The following TMEM260 variants were observed in gnomAD, a reference collection of about 807,000 sequenced individuals.
TMEM260 encodes protein O-mannosyl-transferase TMEM260.
Under a neutral mutation model 88.9 loss-of-function variants are expected in TMEM260, and 82 were observed. The ratio of observed to expected loss-of-function variants is 0.92; its 90% confidence interval spans 0.77 to 1.11. The LOEUF (loss-of-function observed/expected upper bound fraction) is 1.11. Ranked by LOEUF, TMEM260 falls within the 50% of genes least tolerant of loss-of-function variation. The pLI is 0.00. For missense variants in TMEM260, 902 were observed against 853.4 expected, an observed-to-expected ratio of 1.06 and a Z score of -0.71; for synonymous variants, 314 against 309.3, an observed-to-expected ratio of 1.02 and a Z score of -0.16.
chr14:56,627,170 GT>G (rs1888293156), intron 12 of TMEM260, among the ~76,000 whole-genome samples: 2 of 139,814 alleles, frequency 1.4e-5, no homozygotes, highest in Non-Finnish European at 2.9e-5. Context: ...TTTTGTTAAT[GT>G]TTTTGACTAA....
At chr14:56,593,290 G>A (rs1812107955) in intron 3 of TMEM260, 1 of 152,130 alleles carries the variant, frequency 6.6e-6, no homozygotes, top group African/African-American at 2.4e-5. Flanking sequence ...TACTCCAGTG[G>A]AGAATTTCTG....
intron 3 of TMEM260, among the ~76,000 whole-genome samples, chr14:56,592,139 G>C: frequency 6.6e-6 from 1 of 152,050 alleles, no homozygotes; most frequent in East Asian, 1.9e-4. Flanking sequence ...TTCTCCTTTT[G>C]ATCAAACCTC....
chr14:56,645,501 G>A lies in TMEM260; in HGVS notation c.1870-1742G>A, dbSNP rs577012439. On this transcript the variant is annotated intron_variant, in intron 15 of 15. Coordinates refer to ENST00000261556, the MANE Select transcript of TMEM260 (RefSeq NM_017799.4). ...CACTCGGGGGACTGTTGTGGGGTGGGGGTAGGGGGGAGGGATAGCATTAGG... is the reference window on the plus strand; with the variant it reads ...CACTCGGGGGACTGTTGTGGGGTGGAGGTAGGGGGGAGGGATAGCATTAGG... 1.2e-3 allele frequency among the ~76,000 whole-genome samples: 154 copies of A among 127,970 alleles called. 2 individuals carry two copies. The East Asian group carries it at 0.031, about 26-fold the overall frequency. The allele number at this position is 127,970 out of a possible 152,430, so 84.0% of individuals were successfully genotyped here. A position where few individuals can be genotyped will look rare whatever the true frequency, so the allele number is the denominator to read the frequency against.
At chr14:56,637,052 A>C (rs1889149650) in intron 15 of TMEM260, among the ~76,000 whole-genome samples, 1 of 152,212 alleles carries the variant, frequency 6.6e-6, no homozygotes, top group African/African-American at 2.4e-5. Context: ...TTGCAGATGG[A>C]GGAAGGAGCC....
chr14:56,632,774 A>ATATT (rs1888715105), intron 12 of TMEM260, among the ~76,000 whole-genome samples: 1 of 152,146 alleles, frequency 6.6e-6, no homozygotes, highest in Admixed American at 6.5e-5. Flanking sequence ...ACTGTTAATT[A>ATATT]TATTAGATAT....
Position 56,579,807 on chromosome 14 carries a change from GC to G in TMEM260, c.-106del. ...CAACCCGCGGAGGCTCGACCCGGAAGCCGCCGTGGCCGCCGCACAAGCTGCG... is the reference window on the plus strand; with the variant it reads ...CAACCCGCGGAGGCTCGACCCGGAAGCGCCGTGGCCGCCGCACAAGCTGCG... On this transcript the variant is annotated 5_prime_UTR_variant, in exon 1 of 16. Transcript: ENST00000261556. 1 of 1,112,760 alleles carries G rather than the reference GC, an allele frequency of 9.0e-7. No homozygotes were observed. The highest frequency in any genetic ancestry group is 1.1e-6 in the Non-Finnish European group (1 of 880,356). The allele number at this position is 1,112,760 out of a possible 1,614,324, so 68.9% of individuals were successfully genotyped here.
At chr14:56,586,618 T>C (rs1246468950) in intron 3 of TMEM260, among the ~76,000 whole-genome samples, 4 of 152,110 alleles carry the variant, frequency 2.6e-5, no homozygotes, top group Non-Finnish European at 5.9e-5. Context: ...AAAATACAAA[T>C]TACACTTTCT....
intron 7 of TMEM260, 178 bp downstream of exon 7, chr14:56,612,463 G>A: frequency 3.3e-6 from 2 of 607,708 alleles, no homozygotes; most frequent in Non-Finnish European, 5.8e-6. Context: ...ATGGGGTATT[G>A]GTTACAGGAA....
At chr14:56,635,074 A>G (rs754167489) in intron 14 of TMEM260, 122 bp downstream of exon 14, 2 of 850,774 alleles carry the variant, frequency 2.4e-6, no homozygotes. Flanking sequence ...TTTATGAGCA[A>G]TTATGTTTTT....
chr14:56,634,784 GT>G lies in TMEM260; in HGVS notation c.1725-114del. 8.1e-6 allele frequency: 7 copies of G among 864,178 alleles called. No individual in the cohort carries two copies. The South Asian group carries it at 1.1e-4, about 13-fold the overall frequency. 53.5% of individuals were successfully genotyped at this position (864,178 alleles called of 1,614,324 possible). A position where few individuals can be genotyped will look rare whatever the true frequency, so the allele number is the denominator to read the frequency against. ...TTGAACCCAGGAGGTGGAGGTTGCAGTGAGCCAAGATCGCACCATTGCATTC... is the reference window on the plus strand; with the variant it reads ...TTGAACCCAGGAGGTGGAGGTTGCAGGAGCCAAGATCGCACCATTGCATTC... On this transcript the variant is annotated intron_variant, in intron 13 of 15. Transcript: ENST00000261556.
intron 15 of TMEM260, among the ~76,000 whole-genome samples, chr14:56,640,975 A>C (rs146737680): frequency 0.022 from 3,323 of 152,166 alleles, 75 homozygotes; most frequent in East Asian, 0.082. Flanking sequence ...AAAGCCTCCA[A>C]GAAATATGGG....
chr14:56,590,115 AATTG>A (rs1885759951), intron 3 of TMEM260, among the ~76,000 whole-genome samples: 2 of 152,218 alleles, frequency 1.3e-5, no homozygotes, highest in African/African-American at 2.4e-5. Flanking sequence ...ATCCGTGGTT[AATTG>A]ATCATATATT....
intron 7 of TMEM260, 186 bp from the exon 8 acceptor site, chr14:56,615,758 G>A (rs1594851813): frequency 9.5e-6 from 5 of 527,186 alleles, no homozygotes; most frequent in South Asian, 3.0e-5. Context: ...ATTGGAAAAC[G>A]TCTTGGAACT....
At chr14:56,626,580 T>C (rs1430292251) in intron 12 of TMEM260, among the ~76,000 whole-genome samples, 1 of 152,204 alleles carries the variant, frequency 6.6e-6, no homozygotes, top group African/African-American at 2.4e-5. Context: ...ATACTATCAA[T>C]GCCTTGTAAA....
chr14:56,644,061 C>A (rs1454449442), intron 15 of TMEM260, among the ~76,000 whole-genome samples: 1 of 152,062 alleles, frequency 6.6e-6, no homozygotes, highest in African/African-American at 2.4e-5. Context: ...GAATCAATTG[C>A]GTGAAAATGG....
At chr14:56,642,746 A>AATTG (rs1889690853) in intron 15 of TMEM260, among the ~76,000 whole-genome samples, 1 of 152,214 alleles carries the variant, frequency 6.6e-6, no homozygotes, top group Non-Finnish European at 1.5e-5. Flanking sequence ...AGATCAACAA[A>AATTG]ATTGATAGAC....
chr14:56,613,419 C>T (rs562355393), intron 7 of TMEM260: 1 of 152,210 alleles, frequency 6.6e-6, no homozygotes, highest in Admixed American at 6.5e-5. Flanking sequence ...TTATAGAAAA[C>T]TTAGAAAATA....
intron 3 of TMEM260, among the ~76,000 whole-genome samples, chr14:56,603,367 A>G (rs1443632416): frequency 6.6e-6 from 1 of 152,188 alleles, no homozygotes; most frequent in Non-Finnish European, 1.5e-5. Context: ...GAAGGTACCT[A>G]GGTCCAAACA....
At chr14:56,595,636 G>A (rs1239892597) in intron 3 of TMEM260, among the ~76,000 whole-genome samples, 3 of 151,712 alleles carry the variant, frequency 2.0e-5, no homozygotes, top group African/African-American at 4.8e-5. Flanking sequence ...TGTGCACCAC[G>A]CCCAGCTAAT....
Sources: gnomAD v4.1 joint callset for allele counts (sites outside exome capture counted in the v4.1 genomes callset) on GRCh38, gnomAD v4.1.1 for gene constraint, MANE v1.5 for transcripts, NCBI Gene and HGNC (gene_info 2026-07-23, HGNC 2026-07-21) for gene names.